The following LAMA3 variants were observed in gnomAD, a reference collection of about 807,000 sequenced individuals.
The protein encoded by LAMA3 is laminin subunit alpha-3.
A neutral mutation model predicts 402.0 loss-of-function variants in LAMA3; 281 were observed. The ratio of observed to expected loss-of-function variants is 0.70; its 90% CI spans 0.63 to 0.77. The LOEUF is 0.77. LAMA3 is among the 30% of genes least tolerant of loss of function. The pLI, the probability that LAMA3 is intolerant of heterozygous loss-of-function variation, is 0.00. For missense variants in LAMA3, 3,840 were observed against 4,215.5 expected (o/e 0.91, Z 2.47); for synonymous variants, 1,431 against 1,558.4 (o/e 0.92, Z 1.93).
At chr18:23,878,525 C>T (rs1381705611) in intron 39 of LAMA3, among the ~76,000 whole-genome samples, 1 of 152,236 alleles carries the variant, frequency 6.6e-6, no homozygotes, top group Non-Finnish European at 1.5e-5. Context: ...CACACGGAGC[C>T]CATGTCTGCA....
intron 1 of LAMA3, among the ~76,000 whole-genome samples, chr18:23,692,301 C>T (rs568483218): frequency 6.6e-6 from 1 of 152,324 alleles, no homozygotes; most frequent in East Asian, 1.9e-4. Flanking sequence ...GACGAAGTCT[C>T]TCTCGTCTCT....
chr18:23,869,114 A>G (rs902996461), intron 37 of LAMA3, among the ~76,000 whole-genome samples: 2 of 152,248 alleles, frequency 1.3e-5, no homozygotes, highest in Non-Finnish European at 2.9e-5. Flanking sequence ...TCTGTCCTTC[A>G]TAAAAGCAAT....
intron 12 of LAMA3, among the ~76,000 whole-genome samples, chr18:23,794,613 C>T (rs970422303): frequency 1.3e-5 from 2 of 152,190 alleles, no homozygotes; most frequent in Admixed American, 1.3e-4. Context: ...ACTTTCTGTT[C>T]TCTTACCTAA....
chr18:23,826,658 T>A, intron 21 of LAMA3, 44 bp from the exon 22 acceptor site: 1 of 1,325,556 alleles, frequency 7.5e-7, no homozygotes, highest in East Asian at 2.5e-5. Flanking sequence ...AAAGTAGGGC[T>A]ACCATCAAAA....
chr18:23,776,798 A>G (rs1224802924), intron 10 of LAMA3, among the ~76,000 whole-genome samples: 2 of 149,688 alleles, frequency 1.3e-5, no homozygotes, highest in Non-Finnish European at 3.0e-5. Context: ...AGAATTTTAT[A>G]TCTGTGAGTC....
chr18:23,771,980 T>C (rs932166010), intron 8 of LAMA3, among the ~76,000 whole-genome samples: 1 of 152,238 alleles, frequency 6.6e-6, no homozygotes, highest in Non-Finnish European at 1.5e-5. Flanking sequence ...GAAGATACTT[T>C]ATCTCCATGA....
chr18:23,939,230 A>AG lies in LAMA3; in HGVS notation c.8872dup (p.Asp2958GlyfsTer74), dbSNP rs2082407236. ...TGCTCTTTTCCCATGCAGCTGTTGC[A>AG]GGACACACCAGTGGCCTCCCCAAGG... On this transcript the variant is annotated frameshift_variant, in exon 68 of 75. Coordinates refer to ENST00000313654, the MANE Select transcript of LAMA3 (RefSeq NM_198129.4). LOFTEE classifies it high-confidence loss of function. 6.2e-7 allele frequency: 1 copy of AG among 1,614,076 alleles called. No individual in the cohort carries two copies. The highest frequency in any genetic ancestry group is 8.5e-7 in the Non-Finnish European group (1 of 1,179,980).
intron 1 of LAMA3, among the ~76,000 whole-genome samples, chr18:23,697,433 C>T (rs2060704757): frequency 6.6e-6 from 1 of 152,130 alleles, no homozygotes; most frequent in Non-Finnish European, 1.5e-5. Context: ...GCATTCCTGA[C>T]CCAGGAGCCT....
chr18:23,859,022 C>T (rs1445636899), intron 34 of LAMA3, among the ~76,000 whole-genome samples, 193 bp downstream of exon 34: 1 of 152,200 alleles, frequency 6.6e-6, no homozygotes, highest in Non-Finnish European at 1.5e-5. Context: ...ACACCTTGGA[C>T]ACTCTTGCTG....
rs775241363 is a variant in LAMA3 at position 23,899,002 on chromosome 18, C to T, written c.5773C>T (p.Arg1925Trp). 2.2e-5 allele frequency: 36 copies of T among 1,613,808 alleles called. No individual in the cohort carries two copies. The highest frequency in any genetic ancestry group is 1.2e-4 in the African/African-American group (9 of 74,850). ...KAQTLNNNVN[R>W]ATQSAKELDV... ...ACAAACATTAAACAACAATGTTAAT[C>T]GGGCAACACAAAGCGCAAAAGAACT... is the stretch of plus-strand genomic sequence containing the variant. Residue 1925 changes from arginine (R) to tryptophan (W), a missense_variant, in exon 46 of 75, where the codon CGG becomes TGG. Around this residue, in one of 3 missense-constraint regions of LAMA3, gnomAD observed 891 missense variants for 857.5 expected, o/e 1.04. Transcript: ENST00000313654.
chr18:23,772,479 A>C (rs73969520), intron 8 of LAMA3, among the ~76,000 whole-genome samples: 3,157 of 152,280 alleles, frequency 0.021, 104 homozygotes, highest in African/African-American at 0.072. Flanking sequence ...TTGACATCGG[A>C]TGGGAAGGTG....
intron 13 of LAMA3, among the ~76,000 whole-genome samples, chr18:23,811,454 A>G (rs1396176699): frequency 6.6e-6 from 1 of 152,174 alleles, no homozygotes; most frequent in East Asian, 1.9e-4. Context: ...AAGTTGCAGC[A>G]GGCAGTCAGA....
intron 6 of LAMA3, among the ~76,000 whole-genome samples, chr18:23,755,771 GTTGACACTAGTGCCAAATAACAAT>G (rs2061831442): frequency 6.6e-6 from 1 of 152,148 alleles, no homozygotes; most frequent in Non-Finnish European, 1.5e-5. Context: ...AAACATGATT[GTTGACACTAGTGCCAAATAACAAT>G]TTTCCCTAGG....
At chr18:23,887,929 GA>G (rs1375216312) in intron 41 of LAMA3, among the ~76,000 whole-genome samples, 1 of 152,202 alleles carries the variant, frequency 6.6e-6, no homozygotes, top group Non-Finnish European at 1.5e-5. Context: ...GAGAATAAGA[GA>G]ACCAGTTATT....
intron 42 of LAMA3, 107 bp downstream of exon 42, chr18:23,890,224 G>A (rs1356263339): frequency 3.9e-6 from 3 of 777,764 alleles, no homozygotes; most frequent in Non-Finnish European, 6.8e-6. Flanking sequence ...CACAATTCCA[G>A]CCAGCAAGCT....
At position 23,904,040 on chromosome 18, in the gene LAMA3, A is replaced by G. The variant is rs961410292; in HGVS notation, c.6426A>G (p.Ala2142=). 3.7e-6 allele frequency: 6 copies of G among 1,614,038 alleles called. No individual in the cohort carries two copies. In the African/African-American group the frequency reaches 6.7e-5, roughly 18 times the overall value. ...SAGKTSLVEE[A]EKHARSLQEL... is the part of the protein sequence containing the mutation. ...GCAAAACATCCCTTGTGGAGGAGGC[A>G]GAAAAGCACGCGCGGTCCTTACAAG... is the stretch of plus-strand genomic sequence containing the variant. The change falls in exon 50 of 75, where the codon GCA becomes GCG. Residue 2142 remains alanine (A), a synonymous_variant. Transcript: ENST00000313654.
At chr18:23,695,220 A>G (rs1364084378) in intron 1 of LAMA3, among the ~76,000 whole-genome samples, 1 of 152,204 alleles carries the variant, frequency 6.6e-6, no homozygotes, top group East Asian at 1.9e-4. Context: ...AGCCTCCAGC[A>G]TGGTGAGAGA....
intron 1 of LAMA3, among the ~76,000 whole-genome samples, chr18:23,701,303 G>A (rs1361641461): frequency 1.3e-5 from 2 of 152,194 alleles, no homozygotes; most frequent in Admixed American, 1.3e-4. Context: ...AGCTGAGTTG[G>A]GCATGAGTGG....
chr18:23,806,088 A>C (rs2062956931), intron 12 of LAMA3, among the ~76,000 whole-genome samples: 1 of 152,238 alleles, frequency 6.6e-6, no homozygotes. Context: ...ACTAGTCAGC[A>C]TAGGTCTCTG....
Sources: gnomAD v4.1 joint callset for allele counts (sites outside exome capture counted in the v4.1 genomes callset) on GRCh38, gnomAD v4.1.1 for gene constraint, gnomAD v4.1.1 regional missense constraint, MANE v1.5 for transcripts, NCBI Gene and HGNC (gene_info 2026-07-23, HGNC 2026-07-21) for gene names.